TGFBR3: variants seen among roughly 807,000 people sequenced by gnomAD.
TGFBR3 encodes transforming growth factor beta receptor type 3.
Under a neutral mutation model 87.9 loss-of-function variants are expected in TGFBR3, and 46 were observed. The ratio of observed to expected loss-of-function variants is 0.52; its 90% CI spans 0.41 to 0.67. TGFBR3 has a LOEUF of 0.67. Among genes scored for constraint, TGFBR3 ranks in the 30% least tolerant of loss-of-function variants. TGFBR3 has a pLI of 0.00. For synonymous variants in TGFBR3, 381 were observed against 391.6 expected (o/e 0.97, Z 0.32); for missense variants, 866 against 1,041.9 (o/e 0.83, Z 2.32).
At chr1:91,774,366 C>T (rs1674492661) in intron 3 of TGFBR3, among the ~76,000 whole-genome samples, 2 of 152,062 alleles carry the variant, frequency 1.3e-5, no homozygotes, top group Admixed American at 6.5e-5. Context: ...AAACTCCTGG[C>T]CTCAAGTGAT....
intron 4 of TGFBR3, among the ~76,000 whole-genome samples, chr1:91,743,834 G>A (rs1673239245): frequency 6.6e-6 from 1 of 152,212 alleles, no homozygotes; most frequent in African/African-American, 2.4e-5. Context: ...TCTGCCAGGG[G>A]GTTAGCGAAG....
chr1:91,787,287 G>A (rs138724781), intron 3 of TGFBR3, among the ~76,000 whole-genome samples: 3,203 of 152,034 alleles, frequency 0.021, 46 homozygotes, highest in Middle Eastern at 0.051. Flanking sequence ...GTGACAGAGC[G>A]AGACGCCATC....
At position 91,682,404 on chromosome 1, in the gene TGFBR3, C is replaced by CTTTT. The variant is rs59188054; in HGVS notation, c.*1331_*1334dup. 2,406 of 345,410 alleles carry CTTTT rather than the reference C, an allele frequency of 7.0e-3. 12 individuals are homozygous for CTTTT. Among genetic ancestry groups the CTTTT allele is most frequent in the African/African-American group, 0.018 (698 of 37,840 alleles). 21.4% of individuals were successfully genotyped at this position (345,410 alleles called of 1,614,324 possible). On this transcript the variant is annotated 3_prime_UTR_variant, in exon 17 of 17. Coordinates refer to ENST00000212355, the MANE Select transcript of TGFBR3 (RefSeq NM_003243.5). Reference sequence around the variant, plus strand: ...AGCATGATAATTCCCCCCTGGCATTCTTTTTTTTTTTTTTTTTTTTTAACA... The same window carrying CTTTT: ...AGCATGATAATTCCCCCCTGGCATTCTTTTTTTTTTTTTTTTTTTTTTTTTAACA...
In TGFBR3 at chr1:91,894,864, G is replaced by A. The variant is rs199554259; in HGVS notation, c.-114+4773C>T. 5.9e-5 allele frequency among the ~76,000 whole-genome samples: 9 copies of A among 152,310 alleles called. No homozygotes were observed. The East Asian group carries it at 1.5e-3, about 26-fold the overall frequency. On this transcript the variant is annotated intron_variant, in intron 2 of 17. Transcript: ENST00000370399. ...CGGCTCACTGCAACTTCCGCCTCCTGGGTTCAAGAGATTCTCCTGCCTCAG... is the reference window on the plus strand; with the variant it reads ...CGGCTCACTGCAACTTCCGCCTCCTAGGTTCAAGAGATTCTCCTGCCTCAG...
chr1:91,853,540 T>C (rs1486627222), intron 2 of TGFBR3, among the ~76,000 whole-genome samples: 2 of 152,000 alleles, frequency 1.3e-5, no homozygotes, highest in African/African-American at 4.8e-5. Flanking sequence ...AATGAATAAA[T>C]TGAATAATGA....
chr1:91,734,649 C>T (rs1468735029), intron 5 of TGFBR3, 127 bp downstream of exon 5: 5 of 1,202,672 alleles, frequency 4.2e-6, no homozygotes, highest in Non-Finnish European at 6.2e-6. Context: ...GCCAAATGAC[C>T]CCTCAGGTCC....
chr1:91,769,198 T>A (rs1337566226), intron 3 of TGFBR3, among the ~76,000 whole-genome samples: 1 of 152,246 alleles, frequency 6.6e-6, no homozygotes, highest in Non-Finnish European at 1.5e-5. Flanking sequence ...GAACAGTGAC[T>A]GGCATCTGGT....
In TGFBR3 at chr1:91,720,173, A is replaced by G. The variant is rs1373345714; in HGVS notation, c.1133T>C (p.Leu378Pro). The part of the protein sequence containing the change: ...HTIPPELRIL[L>P]DPGALPALQN... ...CAGGGCAGGCAGGGCACCAGGGTCC[A>G]GCAGGATCCGTAGCTCAGGAGGAAT... The change falls in exon 9 of 17, where the codon CTG becomes CCG. Residue 378 changes from leucine to proline, a missense_variant. Physicochemically the swap from Leu to Pro is moderately conservative, Grantham distance 98 (BLOSUM62 -3). Coordinates refer to ENST00000212355, the MANE Select transcript of TGFBR3 (RefSeq NM_003243.5). 2 of 1,613,300 alleles carry G rather than the reference A, an allele frequency of 1.2e-6. No homozygotes were observed. The highest frequency in any genetic ancestry group is 1.7e-6 in the Non-Finnish European group (2 of 1,179,724).
At chr1:91,728,494 A>G (rs776185392) in intron 6 of TGFBR3, among the ~76,000 whole-genome samples, 25 of 152,198 alleles carry the variant, frequency 1.6e-4, no homozygotes, top group Admixed American at 6.5e-5. Flanking sequence ...AGAATTCGTA[A>G]AAAAGAGAAT....
Position 91,769,271 on chromosome 1 carries a change from C to T in TGFBR3, c.247-10521G>A, listed in dbSNP as rs1243417926. ...CACTAAAACCACAGCTGCTATTCTC[C>T]ATTCCCTTGGTTCCTATGGAAGGAA... is the stretch of plus-strand genomic sequence containing the variant. On this transcript the variant is annotated intron_variant, in intron 3 of 16. Transcript: ENST00000212355. 2.0e-5 allele frequency among the ~76,000 whole-genome samples: 3 copies of T among 152,216 alleles called. No individual in the cohort carries two copies. In the East Asian group the frequency reaches 5.8e-4, roughly 29 times the overall value.
intron 2 of TGFBR3, among the ~76,000 whole-genome samples, chr1:91,798,757 G>A (rs987112908): frequency 2.6e-5 from 4 of 152,104 alleles, no homozygotes; most frequent in East Asian, 3.9e-4. Context: ...CTCAAAAAAC[G>A]TTTGTTAAAT....
chr1:91,737,320 C>G (rs1672999853), intron 4 of TGFBR3, among the ~76,000 whole-genome samples: 1 of 152,176 alleles, frequency 6.6e-6, no homozygotes, highest in South Asian at 2.1e-4. Context: ...CCTGACAAGG[C>G]TACAGCTGAG....
At chr1:91,834,643 T>C (rs559273043) in intron 2 of TGFBR3, among the ~76,000 whole-genome samples, 4 of 152,246 alleles carry the variant, frequency 2.6e-5, no homozygotes, top group Admixed American at 6.5e-5. Context: ...GGAGGAGAAA[T>C]AGACAATGAA....
intron 3 of TGFBR3, among the ~76,000 whole-genome samples, chr1:91,789,976 T>C (rs1309717634): frequency 6.6e-6 from 1 of 152,218 alleles, no homozygotes; most frequent in Non-Finnish European, 1.5e-5. Context: ...CCTCCAATCC[T>C]ATGTGGACAG....
At chr1:91,885,428 G>C (rs1679258403) in intron 1 of TGFBR3, among the ~76,000 whole-genome samples, 1 of 152,054 alleles carries the variant, frequency 6.6e-6, no homozygotes, top group Non-Finnish European at 1.5e-5. Flanking sequence ...GGCCAGCGGG[G>C]AACGCAAACC....
intron 8 of TGFBR3, 109 bp from the exon 9 acceptor site, chr1:91,720,339 G>A: frequency 9.1e-7 from 1 of 1,095,052 alleles, no homozygotes; most frequent in Non-Finnish European, 1.3e-6. Context: ...GGTGTAAAAT[G>A]ACTTTTAATA....
At chr1:91,730,435 C>T (rs1312608519) in intron 5 of TGFBR3, among the ~76,000 whole-genome samples, 1 of 152,106 alleles carries the variant, frequency 6.6e-6, no homozygotes, top group East Asian at 1.9e-4. Flanking sequence ...CTTCCTCAAT[C>T]CCCTTTCTAT....
At chr1:91,763,891 TG>T (rs1440795956) in intron 3 of TGFBR3, among the ~76,000 whole-genome samples, 2 of 152,214 alleles carry the variant, frequency 1.3e-5, no homozygotes, top group African/African-American at 2.4e-5. Context: ...CCCCTACAGC[TG>T]ATATTTTATT....
chr1:91,800,184 G>A (rs1675546796), intron 2 of TGFBR3, among the ~76,000 whole-genome samples: 1 of 145,362 alleles, frequency 6.9e-6, no homozygotes, highest in Non-Finnish European at 1.5e-5. Flanking sequence ...TTGAGCCCAG[G>A]AGTACAAAAG....
Sources: gnomAD v4.1 joint callset for allele counts (sites outside exome capture counted in the v4.1 genomes callset) on GRCh38, gnomAD v4.1.1 for gene constraint, MANE v1.5 for transcripts, NCBI Gene and HGNC (gene_info 2026-07-23, HGNC 2026-07-21) for gene names.